Variants in MAP3K13 observed in about 807,000 individuals in gnomAD.
MAP3K13 encodes the protein mitogen-activated protein kinase kinase kinase 13.
Under a neutral mutation model 104.0 loss-of-function variants are expected in MAP3K13, and 52 were observed. The ratio of observed to expected loss-of-function variants is 0.50; its 90% CI spans 0.40 to 0.63. The LOEUF (loss-of-function observed/expected upper bound fraction) is 0.63, where lower values mean the gene tolerates loss of function less well. Ranked by LOEUF, MAP3K13 falls within the 20% of genes least tolerant of loss-of-function variation. The pLI is 0.00. For missense variants in MAP3K13, 914 were observed against 1,218.5 expected, an observed-to-expected ratio of 0.75 and a Z score of 3.72; for synonymous variants, 394 against 442.2, an observed-to-expected ratio of 0.89 and a Z score of 1.37.
rs1577534262 is a variant in MAP3K13 at position 185,418,766 on chromosome 3, G to A, written c.-85-9731G>A. The A allele has an allele frequency of 5.0e-6, 8 of 1,605,714 alleles. No individual in the cohort carries two copies. Among genetic ancestry groups the A allele is most frequent in the Non-Finnish European group, 6.0e-6 (7 of 1,173,900 alleles). Reference sequence around the variant, plus strand: ...TCGGAGTACACCGATATCATTGGGCGAGCACACGCCATGGCGGAGAGAGGA... The same window carrying A: ...TCGGAGTACACCGATATCATTGGGCAAGCACACGCCATGGCGGAGAGAGGA... On this transcript the variant is annotated intron_variant, in intron 1 of 13. Coordinates refer to ENST00000265026, the MANE Select transcript of MAP3K13 (RefSeq NM_004721.5). This position sits in a 1 kb window ranked among gnomAD's most constrained non-coding sequence, Gnocchi z 4.5.
intron 10 of MAP3K13, among the ~76,000 whole-genome samples, chr3:185,471,614 C>T (rs181569703): frequency 1.3e-5 from 2 of 152,048 alleles, no homozygotes; most frequent in African/African-American, 4.8e-5. Context: ...CGCCCACCAC[C>T]ACGCCTGGCT....
At chr3:185,338,768 G>C (rs752493507) in intron 2 of MAP3K13, among the ~76,000 whole-genome samples, 3 of 151,796 alleles carry the variant, frequency 2.0e-5, no homozygotes, top group Non-Finnish European at 4.4e-5. Context: ...TTAACAGAGG[G>C]AATAATTGTG....
intron 1 of MAP3K13, among the ~76,000 whole-genome samples, chr3:185,385,586 T>C (rs549457730): frequency 6.6e-6 from 1 of 152,276 alleles, no homozygotes; most frequent in East Asian, 1.9e-4. Flanking sequence ...AGAATTACCC[T>C]GATATCAAAA....
At chr3:185,400,205 TG>T (rs1450778983) in intron 1 of MAP3K13, among the ~76,000 whole-genome samples, 1 of 152,202 alleles carries the variant, frequency 6.6e-6, no homozygotes, top group Non-Finnish European at 1.5e-5. Context: ...TGCTGATGTT[TG>T]TGCGTCTCCC....
In MAP3K13 at chr3:185,455,265, A is replaced by T. The variant is rs796376963; in HGVS notation, c.1278+3870A>T. Among the ~76,000 whole-genome samples the T allele has an allele frequency of 5.4e-4, 16 of 29,802 alleles. 1 individual carries two copies. The highest frequency in any genetic ancestry group is 9.2e-4 in the African/African-American group (14 of 15,196). The allele number at this position is 29,802 out of a possible 152,430, so 19.6% of individuals were successfully genotyped here. A position where few individuals can be genotyped will look rare whatever the true frequency, so the allele number is the denominator to read the frequency against. ...ATATATGATATATATGAGATATATG[A>T]GATATATATGAGATATATGAGATAT... On this transcript the variant is annotated intron_variant, in intron 7 of 13. Coordinates refer to ENST00000265026, the MANE Select transcript of MAP3K13 (RefSeq NM_004721.5).
Position 185,428,954 on chromosome 3 carries a change from A to G in MAP3K13, c.373A>G (p.Ser125Gly). The G allele has an allele frequency of 1.9e-6, 3 of 1,614,200 alleles. No individual in the cohort carries two copies. Among genetic ancestry groups the G allele is most frequent in the Non-Finnish European group, 2.5e-6 (3 of 1,180,032 alleles). The change falls in exon 2 of 14, where the codon AGT becomes GGT. Residue 125 changes from serine to glycine, a missense_variant. By Grantham distance (56) the Ser-to-Gly change is moderately conservative. Coordinates refer to ENST00000265026, the MANE Select transcript of MAP3K13 (RefSeq NM_004721.5). The part of the protein sequence containing the change: ...DIKIQFSRSG[S>G]GSGGFLEGLF... ...AAAGATTCAGTTCAGCAGGTCAGGC[A>G]GTGGCAGTGGTGGGTTTCTTGAAGG...
intron 7 of MAP3K13, among the ~76,000 whole-genome samples, chr3:185,454,990 TATATATGATATATATGAG>T (rs879866658): frequency 0.34 from 28,022 of 81,620 alleles, 9,043 homozygotes; most frequent in Middle Eastern, 0.47. Flanking sequence ...ATATATGAGA[TATATATGATATATATGAG>T]ATATATATGA....
chr3:185,434,866 T>C (rs1714935381), intron 2 of MAP3K13, among the ~76,000 whole-genome samples: 1 of 152,214 alleles, frequency 6.6e-6, no homozygotes, highest in African/African-American at 2.4e-5. Context: ...TAATTTGGGC[T>C]TGTGTAAAGC....
At chr3:185,443,731 CT>C in intron 4 of MAP3K13, 95 bp downstream of exon 4, 2 of 1,046,824 alleles carry the variant, frequency 1.9e-6, no homozygotes, top group Non-Finnish European at 2.9e-6. Flanking sequence ...GACATCATAC[CT>C]TTAGTTCAGT....
At chr3:185,408,440 C>T (rs192084633) in intron 1 of MAP3K13, among the ~76,000 whole-genome samples, 16 of 152,026 alleles carry the variant, frequency 1.1e-4, no homozygotes, top group African/African-American at 3.4e-4. Context: ...GGCATGGTGG[C>T]GCATGCCTGT....
chr3:185,363,078 T>G (rs1374176350), upstream of MAP3K13: 48 of 985,018 alleles, frequency 4.9e-5, no homozygotes, highest in African/African-American at 8.8e-5. Flanking sequence ...AGGAAGGCCA[T>G]GTCTGCCTGA....
At chr3:185,290,633 T>A (rs1272101778) in intron 2 of MAP3K13, among the ~76,000 whole-genome samples, 1 of 152,218 alleles carries the variant, frequency 6.6e-6, no homozygotes, top group Non-Finnish European at 1.5e-5. Flanking sequence ...TCTCTACTAT[T>A]TACCAGCTCG....
At chr3:185,297,111 C>A (rs1046506283) in intron 2 of MAP3K13, among the ~76,000 whole-genome samples, 11 of 152,122 alleles carry the variant, frequency 7.2e-5, no homozygotes, top group African/African-American at 2.7e-4. Flanking sequence ...ACCTATTTAA[C>A]TATAAGACAT....
intron 2 of MAP3K13, among the ~76,000 whole-genome samples, chr3:185,350,868 T>C (rs1723115195): frequency 6.6e-6 from 1 of 152,186 alleles, no homozygotes; most frequent in Admixed American, 6.5e-5. Flanking sequence ...CATTATTCTG[T>C]ATACACTCAA....
In MAP3K13 at chr3:185,443,536, A is replaced by C; in HGVS notation, c.751A>C (p.Ile251Leu). 1 of 1,614,104 alleles carries C rather than the reference A, an allele frequency of 6.2e-7. No individual in the cohort carries two copies. The highest frequency in any genetic ancestry group is 8.5e-7 in the Non-Finnish European group (1 of 1,179,938). Residue 251 changes from isoleucine (I) to leucine (L), a missense_variant, in exon 4 of 14, where the codon ATC becomes CTC. Ile to Leu is a conservative substitution (Grantham distance 5, BLOSUM62 2). Transcript: ENST00000265026. ...CGAGGTCTTACGAGCTGGCAGGAAG[A>C]TCACACCTCGATTGCTAGTAGACTG... ...LYEVLRAGRK[I>L]TPRLLVDWST...
At chr3:185,301,022 C>T (rs559740032) in intron 2 of MAP3K13, among the ~76,000 whole-genome samples, 56 of 152,188 alleles carry the variant, frequency 3.7e-4, no homozygotes, top group South Asian at 2.9e-3. Flanking sequence ...AGGAACTTCC[C>T]TACTGTTTTC....
At chr3:185,385,962 C>G (rs141854722) in intron 1 of MAP3K13, among the ~76,000 whole-genome samples, 1 of 151,676 alleles carries the variant, frequency 6.6e-6, no homozygotes, top group Non-Finnish European at 1.5e-5. Context: ...AGTATCACAC[C>G]GCTGCATTCC....
chr3:185,452,317 G>A (rs749630734), intron 7 of MAP3K13, among the ~76,000 whole-genome samples: 2 of 152,012 alleles, frequency 1.3e-5, no homozygotes, highest in Non-Finnish European at 2.9e-5. Context: ...TTCACCTCCC[G>A]GGCTCAAGCA....
chr3:185,329,709 A>G (rs141894998), intron 2 of MAP3K13, among the ~76,000 whole-genome samples: 255 of 152,266 alleles, frequency 1.7e-3, no homozygotes, highest in Non-Finnish European at 2.7e-3. Flanking sequence ...GGATCCAGGA[A>G]CTACACATTG....
Sources: allele counts gnomAD v4.1 joint callset (sites outside exome capture counted in the v4.1 genomes callset), GRCh38; gene constraint gnomAD v4.1.1; non-coding constraint Gnocchi (gnomAD v3.1); transcripts MANE v1.5; gene names NCBI Gene and HGNC (gene_info 2026-07-23, HGNC 2026-07-21).